The following RAD17 variants were observed in gnomAD, a reference collection of about 807,000 sequenced individuals.
The protein encoded by RAD17 is RAD17 checkpoint clamp loader component.
A neutral mutation model predicts 81.5 loss-of-function variants in RAD17; 31 were observed. The observed-to-expected ratio is 0.38, with a 90% CI of 0.29 to 0.51. The LOEUF (loss-of-function observed/expected upper bound fraction) is 0.51, where lower values mean the gene tolerates loss of function less well. RAD17 is among the 20% of genes least tolerant of loss of function. The pLI is 0.88. For missense variants in RAD17, 681 were observed against 781.2 expected (o/e 0.87, Z 1.53); for synonymous variants, 261 against 266.2 (o/e 0.98, Z 0.19).
intron 17 of RAD17, among the ~76,000 whole-genome samples, chr5:69,409,343 A>G (rs768623653): frequency 2.6e-4 from 39 of 151,978 alleles, no homozygotes; most frequent in Admixed American, 7.2e-4. Context: ...GAAGCCCCAA[A>G]CACCCTGCTG....
chr5:69,372,757 G>A (rs1251935318), intron 4 of RAD17, among the ~76,000 whole-genome samples: 2 of 151,998 alleles, frequency 1.3e-5, no homozygotes, highest in East Asian at 1.9e-4. Context: ...GAATACAGGC[G>A]TGCGCCACCA....
intron 18 of RAD17, among the ~76,000 whole-genome samples, chr5:69,410,778 G>C (rs750063154): frequency 2.6e-5 from 4 of 151,782 alleles, no homozygotes; most frequent in Admixed American, 6.6e-5. Flanking sequence ...GAATCACAAA[G>C]GCAGAGGAAT....
intron 6 of RAD17, 91 bp from the exon 7 acceptor site, chr5:69,381,810 G>GATA (rs1414289367): frequency 2.2e-6 from 2 of 904,718 alleles, no homozygotes; most frequent in Admixed American, 3.3e-5. Context: ...AATATTTATA[G>GATA]AAGTAAATAT....
chr5:69,369,661 C>T (rs374526036), upstream of RAD17: 362 of 1,558,622 alleles, frequency 2.3e-4, 1 homozygote, highest in Non-Finnish European at 3.0e-4. Context: ...GGTTACCTGG[C>T]TTTCGATGAC....
chr5:69,393,980 A>G (rs564794694), intron 15 of RAD17, among the ~76,000 whole-genome samples: 1 of 138,772 alleles, frequency 7.2e-6, no homozygotes, highest in South Asian at 2.2e-4. Context: ...GTCTTGAACT[A>G]CTGGGTTTAG....
chr5:69,410,863 G>A (rs1179147796), intron 18 of RAD17, among the ~76,000 whole-genome samples: 1 of 151,014 alleles, frequency 6.6e-6, no homozygotes, highest in Non-Finnish European at 1.5e-5. Context: ...CTTAGCCTAT[G>A]CTTGAAGACC....
rs769235157 is a variant in RAD17 at position 69,410,517 on chromosome 5, T to C, written c.1718T>C (p.Ile573Thr). ...NQAQISFIQD[I>T]GRLPLKRHFG... Reference sequence around the variant, plus strand: ...GCTCAGATTTCTTTTATCCAAGATATTGGAAGGCTCCCTCTGAAGCGACAC... The same window carrying C: ...GCTCAGATTTCTTTTATCCAAGATACTGGAAGGCTCCCTCTGAAGCGACAC... The change falls in exon 18 of 19, where the codon ATT becomes ACT. Residue 573 changes from isoleucine to threonine, a missense_variant. Physicochemically the swap from Ile to Thr is moderately conservative, Grantham distance 89 (BLOSUM62 -1). Coordinates refer to ENST00000354868, the MANE Select transcript of RAD17 (RefSeq NM_133338.3). The C allele has an allele frequency of 1.3e-5, 21 of 1,613,272 alleles. No individual in the cohort carries two copies. The highest frequency in any genetic ancestry group is 3.3e-5 in the Admixed American group (2 of 59,952).
chr5:69,379,396 A>C (rs1580369169), intron 6 of RAD17, among the ~76,000 whole-genome samples: 1 of 152,172 alleles, frequency 6.6e-6, no homozygotes. Context: ...ATTACTGTGC[A>C]CTATTGTAGA....
chr5:69,389,693 T>C (rs1250310113), intron 12 of RAD17, among the ~76,000 whole-genome samples: 2 of 152,194 alleles, frequency 1.3e-5, no homozygotes, highest in African/African-American at 2.4e-5. Context: ...CGGGCTGGAG[T>C]GCAGTGGCAT....
intron 17 of RAD17, among the ~76,000 whole-genome samples, chr5:69,401,489 A>G: frequency 8.7e-6 from 1 of 115,016 alleles, no homozygotes; most frequent in South Asian, 3.0e-4. Flanking sequence ...AAAAATGCCT[A>G]TTAATAGTAT....
At chr5:69,408,719 C>G (rs1319522424) in intron 17 of RAD17, among the ~76,000 whole-genome samples, 1 of 151,964 alleles carries the variant, frequency 6.6e-6, no homozygotes, top group Non-Finnish European at 1.5e-5. Context: ...CCATGTTAGC[C>G]AGGTTGGTCT....
At chr5:69,372,283 ACT>A in intron 4 of RAD17, 66 bp downstream of exon 4, 3 of 1,343,222 alleles carry the variant, frequency 2.2e-6, no homozygotes, top group East Asian at 2.3e-5. Context: ...AATATTCCTA[ACT>A]CTGTCTTAAA....
chr5:69,404,276 C>G (rs1187373263), intron 17 of RAD17, among the ~76,000 whole-genome samples: 1 of 152,110 alleles, frequency 6.6e-6, no homozygotes, highest in African/African-American at 2.4e-5. Flanking sequence ...TGAAAAGCCT[C>G]TGCACAGCAA....
At chr5:69,388,419 T>C (rs1764347857) in intron 11 of RAD17, among the ~76,000 whole-genome samples, 1 of 152,190 alleles carries the variant, frequency 6.6e-6, no homozygotes, top group African/African-American at 2.4e-5. Context: ...TACACATATA[T>C]GTTGTTATAT....
rs776648705 is a variant in RAD17, at chr5:69,373,934, A to G, written c.114A>G (p.Arg38=). The G allele has an allele frequency of 5.0e-6, 8 of 1,613,314 alleles. No individual in the cohort carries two copies. The South Asian group carries it at 5.5e-5, about 11-fold the overall frequency. Residue 38 remains arginine (R), a synonymous_variant, in exon 5 of 19, where the codon AGA becomes AGG. Transcript: ENST00000354868. ...SLGVNNSSHR[R]KNGPSTLESS... is the part of the protein sequence containing the mutation. Reference sequence around the variant, plus strand: ...GTGTGAATAACTCAAGTCATAGAAGAAAAAATGGGCCTTCTACATTAGAAA... The same window carrying G: ...GTGTGAATAACTCAAGTCATAGAAGGAAAAATGGGCCTTCTACATTAGAAA...
chr5:69,385,202 T>C (rs967132931), intron 8 of RAD17, among the ~76,000 whole-genome samples: 69 of 151,150 alleles, frequency 4.6e-4, no homozygotes, highest in African/African-American at 7.8e-4. Flanking sequence ...CCTCATGATA[T>C]GCCCACCGTG....
chr5:69,387,784 G>A (rs1053565516), intron 11 of RAD17, among the ~76,000 whole-genome samples: 3 of 152,104 alleles, frequency 2.0e-5, no homozygotes, highest in Non-Finnish European at 2.9e-5. Flanking sequence ...TTGAACCCAG[G>A]GGGTGGAGGT....
intron 17 of RAD17, among the ~76,000 whole-genome samples, chr5:69,405,384 AGGC>A: frequency 6.6e-6 from 1 of 151,934 alleles, no homozygotes; most frequent in Non-Finnish European, 1.5e-5. Flanking sequence ...AACTAAAAAT[AGGC>A]CAGGCGTGGT....
chr5:69,403,119 A>C (rs944351862), intron 17 of RAD17, among the ~76,000 whole-genome samples: 6 of 152,156 alleles, frequency 3.9e-5, no homozygotes, highest in African/African-American at 1.4e-4. Flanking sequence ...GATTATAGGC[A>C]CAGGCCACTG....
Sources: gnomAD v4.1 joint callset for allele counts (sites outside exome capture counted in the v4.1 genomes callset) on GRCh38, gnomAD v4.1.1 for gene constraint, MANE v1.5 for transcripts, NCBI Gene and HGNC (gene_info 2026-07-23, HGNC 2026-07-21) for gene names.